Variants in OR9K2 observed in about 807,000 individuals in gnomAD.
OR9K2 encodes olfactory receptor family 9 subfamily K member 2.
Under a neutral mutation model 12.4 loss-of-function variants are expected in OR9K2, and 16 were observed. The observed-to-expected ratio is 1.29, with a 90% CI of 0.87 to 1.95. The LOEUF (loss-of-function observed/expected upper bound fraction) is 1.95, where lower values mean the gene tolerates loss of function less well. Ranked by LOEUF, OR9K2 falls within the 30% of genes most tolerant of loss-of-function variation. The pLI is 0.00. For missense variants in OR9K2, 434 were observed against 376.5 expected (o/e 1.15, Z -1.26); for synonymous variants, 133 against 133.2 (o/e 1.00, Z 0.01).
Position 55,130,085 on chromosome 12 carries a change from C to T in OR9K2, c.251C>T (p.Ala84Val). 1 of 1,612,896 alleles carries T rather than the reference C, an allele frequency of 6.2e-7. No individual in the cohort carries two copies. The highest frequency in any genetic ancestry group is 1.7e-4 in the Middle Eastern group (1 of 6,060). ...LFYSSVIEPK[A>V]MINFWSENKS... is the part of the protein sequence containing the mutation. ...TATTCATCTGTTATTGAACCCAAGGCTATGATCAACTTCTGGTCTGAAAAC... is the reference window on the plus strand; with the variant it reads ...TATTCATCTGTTATTGAACCCAAGGTTATGATCAACTTCTGGTCTGAAAAC... Residue 84 changes from alanine (A) to valine (V), a missense_variant, in exon 3 of 3, where the codon GCT becomes GTT. Transcript: ENST00000641329.
In OR9K2 at chr12:55,126,818, T is replaced by C. The variant is rs1206058743; in HGVS notation, c.-93-10T>C. On this transcript the variant is annotated splice_polypyrimidine_tract_variant and intron_variant, in intron 1 of 2. Transcript: ENST00000641329. Reference sequence around the variant, plus strand: ...CAGTCATTAATTAACTTTATGTTTATCCTTTCTAGAATTAAAACAATAAAC... The same window carrying C: ...CAGTCATTAATTAACTTTATGTTTACCCTTTCTAGAATTAAAACAATAAAC... 1 of 152,098 alleles carries C rather than the reference T, an allele frequency of 6.6e-6. No individual in the cohort carries two copies. The highest frequency in any genetic ancestry group is 1.9e-4 in the East Asian group (1 of 5,196). The allele number at this position is 152,098 out of a possible 1,614,324, so 9.4% of individuals were successfully genotyped here. A position where few individuals can be genotyped will look rare whatever the true frequency, so the allele number is the denominator to read the frequency against.
chr12:55,128,449 C>G (rs1953443450), intron 2 of OR9K2, among the ~76,000 whole-genome samples: 3 of 151,688 alleles, frequency 2.0e-5, no homozygotes, highest in Non-Finnish European at 4.4e-5. Flanking sequence ...GATTCTGGAG[C>G]CAGTTTTCCT....
chr12:55,129,312 C>T (rs1383047488), intron 2 of OR9K2, among the ~76,000 whole-genome samples: 1 of 151,908 alleles, frequency 6.6e-6, no homozygotes, highest in Non-Finnish European at 1.5e-5. Context: ...AATTGCACTT[C>T]TCAAGTAGGT....
chr12:55,130,130 G>A lies in OR9K2; in HGVS notation c.296G>A (p.Gly99Asp). 6.2e-7 allele frequency: 1 copy of A among 1,613,748 alleles called. No individual in the cohort carries two copies. The highest frequency in any genetic ancestry group is 1.1e-5 in the South Asian group (1 of 91,078). The change falls in exon 3 of 3, where the codon GGC (glycine) becomes GAC (aspartate). Residue 99 changes from glycine (G) to aspartate (D), a missense_variant. Transcript: ENST00000641329. The part of the protein sequence containing the change: ...WSENKSISFA[G>D]CVAQLFLFAL... The stretch of plus-strand genomic sequence containing the variant: ...GAAAACAAGTCTATCTCCTTTGCAG[G>A]CTGTGTGGCCCAGCTCTTTCTCTTT...
chr12:55,132,350 G>A lies in OR9K2; in HGVS notation c.*1574G>A, dbSNP rs1953480756. The A allele has an allele frequency of 6.6e-6, 1 of 152,124 alleles. No homozygotes were observed. The highest frequency in any genetic ancestry group is 1.5e-5 in the Non-Finnish European group (1 of 68,030). The allele number at this position is 152,124 out of a possible 1,614,324, so 9.4% of individuals were successfully genotyped here. A position where few individuals can be genotyped will look rare whatever the true frequency, so the allele number is the denominator to read the frequency against. On this transcript the variant is annotated 3_prime_UTR_variant, in exon 3 of 3. Coordinates refer to ENST00000641329, the MANE Select transcript of OR9K2 (RefSeq NM_001005243.2). ...AGAATGTGACTTTAATTAGTGATAG[G>A]GTCTTCAAAGATGTAATTGAGTTAA... is the stretch of plus-strand genomic sequence containing the variant.
Position 55,130,454 on chromosome 12 carries a change from G to A in OR9K2, c.620G>A (p.Cys207Tyr), listed in dbSNP as rs1014845701. ...IHRMISFSLS[C>Y]IIILPTIIVI... is the part of the protein sequence containing the mutation. ...AGAATGATATCTTTTTCCTTATCAT[G>A]TATTATTATCTTGCCTACTATCATA... Residue 207 changes from cysteine (C) to tyrosine (Y), a missense_variant, in exon 3 of 3, where the codon TGT becomes TAT. By Grantham distance (194) the Cys-to-Tyr change is radical. Coordinates refer to ENST00000641329, the MANE Select transcript of OR9K2 (RefSeq NM_001005243.2). 1.9e-6 allele frequency: 3 copies of A among 1,613,222 alleles called. No individual in the cohort carries two copies. Among genetic ancestry groups the A allele is most frequent in the Non-Finnish European group, 1.7e-6 (2 of 1,179,412 alleles).
Position 55,132,131 on chromosome 12 carries a change from A to C in OR9K2, c.*1355A>C, listed in dbSNP as rs1007722489. ...ATGAAAAACCTACAGTGAACATTTT[A>C]AATGACAAGAAACTAGAAGCTTTCC... On this transcript the variant is annotated 3_prime_UTR_variant, in exon 3 of 3. Coordinates refer to ENST00000641329, the MANE Select transcript of OR9K2 (RefSeq NM_001005243.2). 6.6e-6 allele frequency: 1 copy of C among 152,204 alleles called. No homozygotes were observed. Among genetic ancestry groups the C allele is most frequent in the Non-Finnish European group, 1.5e-5 (1 of 68,032 alleles). The allele number at this position is 152,204 out of a possible 1,614,324, so 9.4% of individuals were successfully genotyped here.
Position 55,131,038 on chromosome 12 carries a change from A to G in OR9K2, c.*262A>G, listed in dbSNP as rs1953469658. 1.0e-5 allele frequency: 3 copies of G among 295,630 alleles called. No individual in the cohort carries two copies. The highest frequency in any genetic ancestry group is 1.1e-4 in the South Asian group (2 of 17,962). 18.3% of individuals were successfully genotyped at this position (295,630 alleles called of 1,614,324 possible). A position where few individuals can be genotyped will look rare whatever the true frequency, so the allele number is the denominator to read the frequency against. On this transcript the variant is annotated 3_prime_UTR_variant, in exon 3 of 3. Transcript: ENST00000641329. The stretch of plus-strand genomic sequence containing the variant: ...TTCAACATTTTATTTCACAGAATTT[A>G]TATCTATTGATTCTTGTGGCATAAT...
Position 55,130,106 on chromosome 12 carries a change from A to G in OR9K2, c.272A>G (p.Glu91Gly). 1 of 1,613,474 alleles carries G rather than the reference A, an allele frequency of 6.2e-7. No individual in the cohort carries two copies. Among genetic ancestry groups the G allele is most frequent in the Non-Finnish European group, 8.5e-7 (1 of 1,179,980 alleles). Reference protein sequence around the residue: ...EPKAMINFWSENKSISFAGCV... With the variant: ...EPKAMINFWSGNKSISFAGCV... ...AAGGCTATGATCAACTTCTGGTCTG[A>G]AAACAAGTCTATCTCCTTTGCAGGC... The change falls in exon 3 of 3, where the codon GAA becomes GGA. Residue 91 changes from glutamate (E) to glycine (G), a missense_variant. Transcript: ENST00000641329.
At chr12:55,128,630 T>C (rs912294167) in intron 2 of OR9K2, among the ~76,000 whole-genome samples, 2 of 152,128 alleles carry the variant, frequency 1.3e-5, no homozygotes, top group African/African-American at 4.8e-5. Context: ...GTCTGGCACA[T>C]AAAAAGTGCC....
In OR9K2 at chr12:55,131,614, T is replaced by C. The variant is rs1157986318; in HGVS notation, c.*838T>C. 1 of 152,220 alleles carries C rather than the reference T, an allele frequency of 6.6e-6. No individual in the cohort carries two copies. The highest frequency in any genetic ancestry group is 1.5e-5 in the Non-Finnish European group (1 of 68,030). The allele number at this position is 152,220 out of a possible 1,614,324, so 9.4% of individuals were successfully genotyped here. A position where few individuals can be genotyped will look rare whatever the true frequency, so the allele number is the denominator to read the frequency against. Reference sequence around the variant, plus strand: ...AATCTTATTGAATATCTGTATAATATGTTCTGGCCTTACAGTGGGCTCAGG... The same window carrying C: ...AATCTTATTGAATATCTGTATAATACGTTCTGGCCTTACAGTGGGCTCAGG... On this transcript the variant is annotated 3_prime_UTR_variant, in exon 3 of 3. Transcript: ENST00000641329.
intron 2 of OR9K2, among the ~76,000 whole-genome samples, chr12:55,127,553 C>G (rs1056018530): frequency 6.6e-6 from 1 of 151,836 alleles, no homozygotes; most frequent in Non-Finnish European, 1.5e-5. Flanking sequence ...TTATTTTCAA[C>G]ATTTAATACA....
At position 55,131,400 on chromosome 12, in the gene OR9K2, A is replaced by C. The variant is rs1375893374; in HGVS notation, c.*624A>C. On this transcript the variant is annotated 3_prime_UTR_variant, in exon 3 of 3. Transcript: ENST00000641329. ...TGCTGAATCCCAGTGCAAAGAACTA[A>C]AATAGGAAATAGAGATCTTCAAACA... 6.6e-6 allele frequency: 1 copy of C among 152,176 alleles called. No homozygotes were observed. Among genetic ancestry groups the C allele is most frequent in the African/African-American group, 2.4e-5 (1 of 41,438 alleles). The allele number at this position is 152,176 out of a possible 1,614,324, so 9.4% of individuals were successfully genotyped here. A position where few individuals can be genotyped will look rare whatever the true frequency, so the allele number is the denominator to read the frequency against.
chr12:55,129,426 AAACT>A (rs768168139), intron 2 of OR9K2, among the ~76,000 whole-genome samples: 10 of 152,208 alleles, frequency 6.6e-5, no homozygotes, highest in Non-Finnish European at 1.0e-4. Flanking sequence ...CTCCCAACCC[AAACT>A]AACTAATGTG....
intron 2 of OR9K2, among the ~76,000 whole-genome samples, chr12:55,129,092 T>A (rs1953449013): frequency 6.6e-6 from 1 of 152,168 alleles, no homozygotes. Context: ...AACGTGCACT[T>A]GCACCCCTGA....
In OR9K2 at chr12:55,131,613, A is replaced by G. The variant is rs1391339833; in HGVS notation, c.*837A>G. The G allele has an allele frequency of 1.3e-5, 2 of 152,182 alleles. No homozygotes were observed. Among genetic ancestry groups the G allele is most frequent in the African/African-American group, 4.8e-5 (2 of 41,452 alleles). The allele number at this position is 152,182 out of a possible 1,614,324, so 9.4% of individuals were successfully genotyped here. A position where few individuals can be genotyped will look rare whatever the true frequency, so the allele number is the denominator to read the frequency against. ...TAATCTTATTGAATATCTGTATAAT[A>G]TGTTCTGGCCTTACAGTGGGCTCAG... On this transcript the variant is annotated 3_prime_UTR_variant, in exon 3 of 3. Coordinates refer to ENST00000641329, the MANE Select transcript of OR9K2 (RefSeq NM_001005243.2).
intron 2 of OR9K2, 144 bp from the exon 3 acceptor site, chr12:55,129,682 C>T: frequency 1.1e-6 from 1 of 905,030 alleles, no homozygotes; most frequent in Non-Finnish European, 1.7e-6. Context: ...GGCTTTAAGT[C>T]ACAGTATACT....
rs774402420 is a variant in OR9K2, at chr12:55,130,549, A to T, written c.715A>T (p.Lys239Ter). 6.2e-7 allele frequency: 1 copy of T among 1,613,834 alleles called. No individual in the cohort carries two copies. Among genetic ancestry groups the T allele is most frequent in the Non-Finnish European group, 8.5e-7 (1 of 1,179,814 alleles). Residue 239 changes from lysine (K) to a stop codon, truncating the protein, a stop_gained, in exon 3 of 3, where the codon AAG becomes TAG. Transcript: ENST00000641329. LOFTEE classifies it high-confidence loss of function. ...LKIHSTEGHK[K>*]AFSTCSSHLG... ...GATACATTCTACTGAGGGACATAAG[A>T]AGGCCTTCTCCACCTGCAGCTCTCA...
In OR9K2 at chr12:55,131,083, T is replaced by C. The variant is rs1032423535; in HGVS notation, c.*307T>C. 5.0e-6 allele frequency: 1 copy of C among 198,468 alleles called. No homozygotes were observed. The highest frequency in any genetic ancestry group is 2.4e-5 in the African/African-American group (1 of 42,456). The allele number at this position is 198,468 out of a possible 1,614,324, so 12.3% of individuals were successfully genotyped here. ...CATAATGTAGAACAATATTTTGTAT[T>C]TTGTTATAGTGCTTCAGCAAGATTT... is the stretch of plus-strand genomic sequence containing the variant. On this transcript the variant is annotated 3_prime_UTR_variant, in exon 3 of 3. Coordinates refer to ENST00000641329, the MANE Select transcript of OR9K2 (RefSeq NM_001005243.2).
Sources: gnomAD v4.1 joint callset for allele counts (sites outside exome capture counted in the v4.1 genomes callset) on GRCh38, gnomAD v4.1.1 for gene constraint, MANE v1.5 for transcripts, NCBI Gene and HGNC (gene_info 2026-07-23, HGNC 2026-07-21) for gene names.